The following HNRNPUL1 variants were observed in gnomAD, a reference collection of about 807,000 sequenced individuals.
HNRNPUL1 encodes heterogeneous nuclear ribonucleoprotein U-like protein 1.
HNRNPUL1 carries 14 observed loss-of-function variants against 108.5 expected under a neutral mutation model. The ratio of observed to expected loss-of-function variants is 0.13; its 90% CI spans 0.09 to 0.20. HNRNPUL1 has a LOEUF of 0.20. HNRNPUL1 is among the 10% of genes least tolerant of loss of function. The pLI, the probability that HNRNPUL1 is intolerant of heterozygous loss-of-function variation, is 1.00. For synonymous variants in HNRNPUL1, 422 were observed against 445.2 expected (o/e 0.95, Z 0.66); for missense variants, 804 against 1,168.3 (o/e 0.69, Z 4.55).
Position 41,294,808 on chromosome 19 carries a change from G to T in HNRNPUL1, c.1518+122G>T, listed in dbSNP as rs1050142197. Reference sequence around the variant, plus strand: ...TGATGATGGACTGCTGTGCTAGTCGGGGGGGTCAGACCTTGTCATACATGA... The same window carrying T: ...TGATGATGGACTGCTGTGCTAGTCGTGGGGGTCAGACCTTGTCATACATGA... On this transcript the variant is annotated intron_variant, in intron 10 of 14. Transcript: ENST00000392006. The surrounding 1 kb of genome is among the most constrained non-coding windows in gnomAD (Gnocchi z 4.3). The T allele has an allele frequency of 1.7e-6, 2 of 1,206,676 alleles. No individual in the cohort carries two copies. Among genetic ancestry groups the T allele is most frequent in the East Asian group, 2.4e-5 (1 of 41,164 alleles). The allele number at this position is 1,206,676 out of a possible 1,614,324, so 74.7% of individuals were successfully genotyped here.
chr19:41,266,232 AGAC>A (rs2034835143), intron 1 of HNRNPUL1, among the ~76,000 whole-genome samples: 1 of 152,128 alleles, frequency 6.6e-6, no homozygotes, highest in Non-Finnish European at 1.5e-5. Flanking sequence ...CAGGAGTTCA[AGAC>A]CAGTCTGGCC....
rs541675376 is a variant in HNRNPUL1, at chr19:41,292,090, C to T, written c.1000-155C>T. Among the ~76,000 whole-genome samples, 1 of 151,974 alleles carries T rather than the reference C, an allele frequency of 6.6e-6. No individual in the cohort carries two copies. The highest frequency in any genetic ancestry group is 1.5e-5 in the Non-Finnish European group (1 of 67,998). On this transcript the variant is annotated intron_variant, in intron 7 of 14. Transcript: ENST00000392006. The surrounding 1 kb of genome is among the most constrained non-coding windows in gnomAD (Gnocchi z 4.1). ...GGCTGGACATTCTCTGAGATGTTCA[C>T]TGATGCTGCCCAGCTTACCTGTATG...
In HNRNPUL1 at chr19:41,292,129, C is replaced by T; in HGVS notation, c.1000-116C>T. ...CTTACCTGTATGTTGGGGAAGGATG[C>T]ACTTCAATCTGGAAAGCTGTCCACA... is the stretch of plus-strand genomic sequence containing the variant. On this transcript the variant is annotated intron_variant, in intron 7 of 14. Transcript: ENST00000392006. This position sits in a 1 kb window ranked among gnomAD's most constrained non-coding sequence, Gnocchi z 4.1. 1 of 1,021,918 alleles carries T rather than the reference C, an allele frequency of 9.8e-7. No individual in the cohort carries two copies. The highest frequency in any genetic ancestry group is 1.5e-5 in the South Asian group (1 of 68,604). 63.3% of individuals were successfully genotyped at this position (1,021,918 alleles called of 1,614,324 possible).
rs1459518572 is a variant in HNRNPUL1, at chr19:41,264,555, C to T, written c.52C>T (p.Arg18Cys). Residue 18 changes from arginine (R) to cysteine (C), a missense_variant, in exon 1 of 15, where the codon CGC becomes TGC. Arg to Cys is a radical substitution (Grantham distance 180). Around this residue, in one of 4 missense-constraint regions of HNRNPUL1, gnomAD observed 256 missense variants for 261.6 expected, o/e 0.98. Coordinates refer to ENST00000392006, the MANE Select transcript of HNRNPUL1 (RefSeq NM_007040.6). ...CGAACTTCGCGAGGAGCTGCAGCGC[C>T]GCGGCCTGGACACTCGAGGCCTCAA... is the stretch of plus-strand genomic sequence containing the variant. Reference protein sequence around the residue: ...VNELREELQRRGLDTRGLKAE... With the variant: ...VNELREELQRCGLDTRGLKAE... 2 of 1,522,212 alleles carry T rather than the reference C, an allele frequency of 1.3e-6. No homozygotes were observed. Among genetic ancestry groups the T allele is most frequent in the Middle Eastern group, 2.2e-4 (1 of 4,622 alleles). The allele number at this position is 1,522,212 out of a possible 1,614,324, so 94.3% of individuals were successfully genotyped here. A position where few individuals can be genotyped will look rare whatever the true frequency, so the allele number is the denominator to read the frequency against.
In HNRNPUL1 at chr19:41,301,595, C is replaced by G; in HGVS notation, c.1578C>G (p.Arg526=). The G allele has an allele frequency of 6.2e-7, 1 of 1,614,140 alleles. No homozygotes were observed. The highest frequency in any genetic ancestry group is 8.5e-7 in the Non-Finnish European group (1 of 1,180,012). The part of the protein sequence containing the change: ...RKMRPFEGFQ[R]KAIVICPTDE... ...TGAGACCATTTGAAGGCTTCCAGCG[C>G]AAAGCTATTGTAATTTGTCCCACTG... The change falls in exon 11 of 15, where the codon CGC becomes CGG. Residue 526 remains arginine, a synonymous_variant. Transcript: ENST00000392006.
intron 2 of HNRNPUL1, among the ~76,000 whole-genome samples, chr19:41,271,546 TA>T (rs1340917713): frequency 3.3e-5 from 5 of 152,166 alleles, no homozygotes; most frequent in Non-Finnish European, 7.3e-5. Flanking sequence ...GAAATGAAGG[TA>T]GCCTACATCT....
At chr19:41,265,746 G>C (rs1385754752) in intron 1 of HNRNPUL1, among the ~76,000 whole-genome samples, 1 of 152,030 alleles carries the variant, frequency 6.6e-6, no homozygotes, top group Non-Finnish European at 1.5e-5. Flanking sequence ...CTGGGGGTGG[G>C]ATGGGGGCAG....
At chr19:41,299,739 A>G (rs1247274316) in intron 10 of HNRNPUL1, among the ~76,000 whole-genome samples, 1 of 152,094 alleles carries the variant, frequency 6.6e-6, no homozygotes, top group Non-Finnish European at 1.5e-5. Context: ...TTCAAGCCCA[A>G]GTTTCTTCCC....
Position 41,272,077 on chromosome 19 carries a change from A to C in HNRNPUL1, c.419-5A>C. 6.2e-7 allele frequency: 1 copy of C among 1,613,620 alleles called. No homozygotes were observed. Among genetic ancestry groups the C allele is most frequent in the Non-Finnish European group, 8.5e-7 (1 of 1,179,812 alleles). On this transcript the variant is annotated splice_polypyrimidine_tract_variant and splice_region_variant and intron_variant, in intron 2 of 14. Coordinates refer to ENST00000392006, the MANE Select transcript of HNRNPUL1 (RefSeq NM_007040.6). ...CTTGACCATCTGAATTTGTCTTGAC[A>C]ATAGAAATGAAGACAGAGATGAAGC...
In HNRNPUL1 at chr19:41,294,200, T is replaced by G; in HGVS notation, c.1267-138T>G. ...TTTTTGAATCCCGATACCAGTACTG[T>G]GAGGTAGATGGTATTACTGCTTCCG... On this transcript the variant is annotated intron_variant, in intron 8 of 14. Transcript: ENST00000392006. The surrounding 1 kb of genome is among the most constrained non-coding windows in gnomAD (Gnocchi z 4.3). 25 of 865,620 alleles carry G rather than the reference T, an allele frequency of 2.9e-5. No homozygotes were observed. Among genetic ancestry groups the G allele is most frequent in the Non-Finnish European group, 4.2e-5 (23 of 548,874 alleles). 53.6% of individuals were successfully genotyped at this position (865,620 alleles called of 1,614,324 possible).
At chr19:41,272,031 A>G (rs771956537) in intron 2 of HNRNPUL1, 51 bp from the exon 3 acceptor site, 2 of 1,594,862 alleles carry the variant, frequency 1.3e-6, no homozygotes, top group Non-Finnish European at 1.7e-6. Flanking sequence ...GAAAAGTGAT[A>G]GCTGGGGAGC....
intron 1 of HNRNPUL1, chr19:41,267,936 T>G: frequency 4.1e-6 from 1 of 242,370 alleles, no homozygotes; most frequent in Non-Finnish European, 7.9e-6. Flanking sequence ...TCCAGGTCCC[T>G]TTCTTCATTC....
chr19:41,280,704 C>T (rs1480992501), intron 6 of HNRNPUL1, among the ~76,000 whole-genome samples: 2 of 152,196 alleles, frequency 1.3e-5, no homozygotes, highest in Non-Finnish European at 2.9e-5. Flanking sequence ...CTTCAGCACC[C>T]AGTTCTGTAG....
At chr19:41,300,768 G>A (rs2037162140) in intron 10 of HNRNPUL1, among the ~76,000 whole-genome samples, 1 of 152,202 alleles carries the variant, frequency 6.6e-6, no homozygotes, top group African/African-American at 2.4e-5. Context: ...ATCACTTAGA[G>A]GAAGGGAAGG....
At chr19:41,272,282 A>G in intron 3 of HNRNPUL1, 47 bp downstream of exon 3, 1 of 1,586,146 alleles carries the variant, frequency 6.3e-7, no homozygotes, top group Non-Finnish European at 8.6e-7. Flanking sequence ...AGGTTTCTAT[A>G]TCCATAGCCT....
chr19:41,288,337 C>T (rs2036374088), intron 7 of HNRNPUL1, among the ~76,000 whole-genome samples: 1 of 151,972 alleles, frequency 6.6e-6, no homozygotes, highest in Non-Finnish European at 1.5e-5. Flanking sequence ...CCTCCGCCTC[C>T]CAGATTCAAG....
In HNRNPUL1 at chr19:41,302,214, G is replaced by GTTTTTTTT. The variant is rs58368849; in HGVS notation, c.1688-437_1688-430dup. 4.5e-4 allele frequency among the ~76,000 whole-genome samples: 42 copies of GTTTTTTTT among 92,436 alleles called. 2 individuals carry two copies. Among genetic ancestry groups the GTTTTTTTT allele is most frequent in the East Asian group, 1.4e-3 (4 of 2,804 alleles). 60.6% of individuals were successfully genotyped at this position (92,436 alleles called of 152,430 possible). On this transcript the variant is annotated intron_variant, in intron 11 of 14. Coordinates refer to ENST00000392006, the MANE Select transcript of HNRNPUL1 (RefSeq NM_007040.6). ...TGTCTACCTCTTTCTCTCTCTCTCTGTTTTTTTTTTTTTTTTTTTTTGGAG... is the reference window on the plus strand; with the variant it reads ...TGTCTACCTCTTTCTCTCTCTCTCTGTTTTTTTTTTTTTTTTTTTTTTTTTTTTTGGAG...
At chr19:41,277,259 T>C (rs576256407) in intron 5 of HNRNPUL1, among the ~76,000 whole-genome samples, 87 of 152,336 alleles carry the variant, frequency 5.7e-4, no homozygotes, top group African/African-American at 2.0e-3. Flanking sequence ...AGCTAATAAG[T>C]ATAGAGCTCT....
intron 5 of HNRNPUL1, 77 bp from the exon 6 acceptor site, chr19:41,279,000 T>C: frequency 1.0e-6 from 1 of 963,292 alleles, no homozygotes; most frequent in Non-Finnish European, 1.7e-6. Flanking sequence ...ATGCCTGATA[T>C]GCTTCCCTCC....
Sources: gnomAD v4.1 joint callset for allele counts (sites outside exome capture counted in the v4.1 genomes callset) on GRCh38, gnomAD v4.1.1 for gene constraint, gnomAD v4.1.1 regional missense constraint, Gnocchi (gnomAD v3.1) non-coding constraint, MANE v1.5 for transcripts, NCBI Gene and HGNC (gene_info 2026-07-23, HGNC 2026-07-21) for gene names.